SLC6A20: variants seen among roughly 807,000 people sequenced by gnomAD.
SLC6A20 encodes sodium- and chloride-dependent transporter XTRP3.
In SLC6A20, 73 loss-of-function variants were observed where a neutral mutation model predicts 64.3. The ratio of observed to expected loss-of-function variants is 1.14; its 90% CI spans 0.94 to 1.38. The LOEUF (loss-of-function observed/expected upper bound fraction) is 1.38, where lower values mean the gene tolerates loss of function less well. Among genes scored for constraint, SLC6A20 ranks in the 40% most tolerant of loss-of-function variants. The pLI is 0.00. For missense variants in SLC6A20, 725 were observed against 772.8 expected (o/e 0.94, Z 0.73); for synonymous variants, 347 against 329.6 (o/e 1.05, Z -0.57).
chr3:45,762,045 C>T (rs1313963548), intron 9 of SLC6A20, among the ~76,000 whole-genome samples: 2 of 152,150 alleles, frequency 1.3e-5, no homozygotes, highest in African/African-American at 2.4e-5. Flanking sequence ...ACAGCCTCCT[C>T]GCCCAAACCG....
intron 4 of SLC6A20, among the ~76,000 whole-genome samples, chr3:45,773,916 C>T (rs1699919443): frequency 6.6e-6 from 1 of 152,256 alleles, no homozygotes; most frequent in African/African-American, 2.4e-5. Context: ...AGAGCACTCA[C>T]TCGTGACCAA....
chr3:45,786,618 C>T (rs1700173813), intron 1 of SLC6A20, among the ~76,000 whole-genome samples: 1 of 152,204 alleles, frequency 6.6e-6, no homozygotes, highest in African/African-American at 2.4e-5. Flanking sequence ...CTATTCTCCC[C>T]TTAGAAATAA....
At chr3:45,793,812 TC>T (rs1047049727) in intron 1 of SLC6A20, among the ~76,000 whole-genome samples, 4 of 152,174 alleles carry the variant, frequency 2.6e-5, no homozygotes, top group Non-Finnish European at 5.9e-5. Flanking sequence ...ATTTTTACCT[TC>T]CGGTAAGGGA....
intron 3 of SLC6A20, among the ~76,000 whole-genome samples, chr3:45,778,065 C>G (rs753622487): frequency 2.0e-5 from 3 of 152,232 alleles, no homozygotes; most frequent in Non-Finnish European, 4.4e-5. Flanking sequence ...CCAGTCTGAC[C>G]TCCCTCACTC....
At chr3:45,776,728 A>C (rs9855908) in intron 3 of SLC6A20, among the ~76,000 whole-genome samples, 146,827 of 152,284 alleles carry the variant, frequency 0.96, 70,833 homozygotes, top group Middle Eastern at 0.99. Context: ...TCAGGACTTG[A>C]GGAAATCAGC....
At chr3:45,786,183 A>G (rs950287124) in intron 1 of SLC6A20, among the ~76,000 whole-genome samples, 1 of 152,194 alleles carries the variant, frequency 6.6e-6, no homozygotes, top group Non-Finnish European at 1.5e-5. Flanking sequence ...CAAGAACATT[A>G]TCTTATATAA....
At chr3:45,781,919 A>G (rs1700091248) in intron 2 of SLC6A20, among the ~76,000 whole-genome samples, 164 bp downstream of exon 2, 2 of 152,064 alleles carry the variant, frequency 1.3e-5, no homozygotes, top group Non-Finnish European at 2.9e-5. Flanking sequence ...CTCAGCCCAC[A>G]TTCTATGTCA....
rs962707473 is a variant in SLC6A20, at chr3:45,758,736, C to T, written c.*242G>A. The T allele has an allele frequency of 7.8e-6, 10 of 1,281,572 alleles. No homozygotes were observed. The East Asian group carries it at 9.8e-5, about 13-fold the overall frequency. 79.4% of individuals were successfully genotyped at this position (1,281,572 alleles called of 1,614,324 possible). A position where few individuals can be genotyped will look rare whatever the true frequency, so the allele number is the denominator to read the frequency against. The stretch of plus-strand genomic sequence containing the variant: ...TGAAGGATGCAGTTATCTTTGAGAC[C>T]GGCTTTCATAGCCCACCCCCTTCCA... On this transcript the variant is annotated 3_prime_UTR_variant, in exon 11 of 11. Transcript: ENST00000358525.
At chr3:45,785,948 G>A (rs1290372961) in intron 1 of SLC6A20, among the ~76,000 whole-genome samples, 1 of 152,070 alleles carries the variant, frequency 6.6e-6, no homozygotes, top group African/African-American at 2.4e-5. Flanking sequence ...AGGCTCCAGA[G>A]GATGAGAGGC....
intron 1 of SLC6A20, among the ~76,000 whole-genome samples, chr3:45,794,428 C>T (rs192060540): frequency 6.6e-6 from 1 of 152,302 alleles, no homozygotes; most frequent in Non-Finnish European, 1.5e-5. Context: ...TTTGTCTGTG[C>T]ACCCACTAAT....
At chr3:45,795,037 G>T (rs185956887) in intron 1 of SLC6A20, among the ~76,000 whole-genome samples, 30 of 152,132 alleles carry the variant, frequency 2.0e-4, no homozygotes, top group Admixed American at 4.6e-4. Context: ...TTCTCAAATG[G>T]GTTCATTTTC....
At position 45,759,101 on chromosome 3, in the gene SLC6A20, C is replaced by G. The variant is rs754773426; in HGVS notation, c.1656G>C (p.Pro552=). 1 of 1,611,336 alleles carries G rather than the reference C, an allele frequency of 6.2e-7. No homozygotes were observed. Among genetic ancestry groups the G allele is most frequent in the South Asian group, 1.1e-5 (1 of 90,378 alleles). Residue 552 remains proline (P), a synonymous_variant, in exon 11 of 11, where the codon CCG becomes CCC. Coordinates refer to ENST00000358525, the MANE Select transcript of SLC6A20 (RefSeq NM_020208.4). ...SQGQLVTKDY[P]AYALAVIGLL... is the part of the protein sequence containing the mutation. ...GCCCGATGACAGCCAGTGCATAGGC[C>G]GGGTAATCTTTGGTCACGAGCTGGC...
At chr3:45,794,189 G>C (rs2125660218) in intron 1 of SLC6A20, among the ~76,000 whole-genome samples, 1 of 152,290 alleles carries the variant, frequency 6.6e-6, no homozygotes, top group East Asian at 1.9e-4. Context: ...CAGCCTCTCA[G>C]GTGGAGGAAA....
At chr3:45,775,504 CT>C (rs781004076) in intron 4 of SLC6A20, among the ~76,000 whole-genome samples, 5 of 151,512 alleles carry the variant, frequency 3.3e-5, no homozygotes, top group South Asian at 4.2e-4. Flanking sequence ...TACAGAAAAA[CT>C]TTTTTTTTCT....
chr3:45,792,614 A>T (rs1021892129), intron 1 of SLC6A20, among the ~76,000 whole-genome samples: 6 of 152,102 alleles, frequency 3.9e-5, no homozygotes, highest in African/African-American at 1.4e-4. Context: ...CTGTTCCCTG[A>T]TCCATCCATG....
intron 2 of SLC6A20, among the ~76,000 whole-genome samples, chr3:45,780,982 T>G (rs547139894): frequency 6.6e-6 from 1 of 152,356 alleles, no homozygotes; most frequent in East Asian, 1.9e-4. Flanking sequence ...CCTCTGTGAT[T>G]GCTTATTCAG....
intron 1 of SLC6A20, among the ~76,000 whole-genome samples, chr3:45,792,663 G>A (rs1700275082): frequency 6.6e-6 from 1 of 152,134 alleles, no homozygotes; most frequent in Non-Finnish European, 1.5e-5. Flanking sequence ...CTGGGTGCTG[G>A]CCTGAAGAGC....
intron 1 of SLC6A20, among the ~76,000 whole-genome samples, chr3:45,787,332 T>A (rs1049249031): frequency 1.3e-5 from 2 of 152,208 alleles, no homozygotes; most frequent in Non-Finnish European, 2.9e-5. Context: ...CTGCCCAGAC[T>A]TGGCTTCCCC....
Position 45,796,433 on chromosome 3 carries a change from G to C in SLC6A20, c.-14C>G. ...CGCTTTCTCCATGGCCCCGGCCTCG[G>C]CGCGCTCGGCTCCGGCTCGGGGGTC... On this transcript the variant is annotated 5_prime_UTR_variant, in exon 1 of 11. Transcript: ENST00000358525. 6.2e-7 allele frequency: 1 copy of C among 1,606,874 alleles called. No homozygotes were observed. Among genetic ancestry groups the C allele is most frequent in the South Asian group, 1.1e-5 (1 of 90,434 alleles).
Sources: allele counts gnomAD v4.1 joint callset (sites outside exome capture counted in the v4.1 genomes callset), GRCh38; gene constraint gnomAD v4.1.1; transcripts MANE v1.5; gene names NCBI Gene and HGNC (gene_info 2026-07-23, HGNC 2026-07-21).